Variants in ARPP21 observed in about 807,000 individuals in gnomAD.
ARPP21 encodes the protein cAMP regulated phosphoprotein 21.
A neutral mutation model predicts 113.2 loss-of-function variants in ARPP21; 69 were observed. The observed-to-expected ratio is 0.61, with a 90% CI of 0.50 to 0.74. The LOEUF is 0.74. Among genes scored for constraint, ARPP21 ranks in the 30% least tolerant of loss-of-function variants. The probability of loss-of-function intolerance (pLI) is 0.00; values close to 1 mark genes in which losing one functional copy is unlikely to be tolerated. For missense variants in ARPP21, 1,070 were observed against 1,037.4 expected, an observed-to-expected ratio of 1.03 and a Z score of -0.43; for synonymous variants, 368 against 375.5, an observed-to-expected ratio of 0.98 and a Z score of 0.23.
chr3:35,709,367 T>A (rs530060729), intron 11 of ARPP21, among the ~76,000 whole-genome samples: 98 of 152,266 alleles, frequency 6.4e-4, no homozygotes, highest in Middle Eastern at 3.4e-3. Flanking sequence ...TTTGAAGAAA[T>A]GCCTTCACCT....
intron 16 of ARPP21, 51 bp from the exon 17 acceptor site, chr3:35,738,163 T>TTTCAACCC: frequency 1.6e-6 from 2 of 1,217,596 alleles, no homozygotes; most frequent in Non-Finnish European, 1.2e-6. Flanking sequence ...TCTTGTGAGA[T>TTTCAACCC]TTCAACCCCA....
rs545142983 is a variant in ARPP21, at chr3:35,667,136, G to A, written c.-212-12651G>A. 2.0e-5 allele frequency among the ~76,000 whole-genome samples: 3 copies of A among 152,260 alleles called. No homozygotes were observed. The South Asian group carries it at 6.2e-4, about 32-fold the overall frequency. On this transcript the variant is annotated intron_variant, in intron 1 of 20. Coordinates refer to ENST00000684406, the MANE Select transcript of ARPP21 (RefSeq NM_001385562.1). ...CACTCTAAAATGTGACTCTTTAAGG[G>A]CTAGTCCTATTATCCTACATTCTTT...
chr3:35,725,107 G>A (rs1279292385), intron 14 of ARPP21, among the ~76,000 whole-genome samples: 1 of 152,106 alleles, frequency 6.6e-6, no homozygotes, highest in Non-Finnish European at 1.5e-5. Flanking sequence ...GTGAGCTAGT[G>A]GCAAAATTTT....
chr3:35,651,334 T>C, intron 1 of ARPP21, among the ~76,000 whole-genome samples: 1 of 152,114 alleles, frequency 6.6e-6, no homozygotes, highest in South Asian at 2.1e-4. Context: ...AAGAACCTAC[T>C]TTTTGAAATT....
rs1238135950 is a variant in ARPP21, at chr3:35,700,514, G to GA, written c.687-6449dup. Among the ~76,000 whole-genome samples the GA allele has an allele frequency of 8.1e-4, 114 of 141,196 alleles. 1 individual carries two copies. The highest frequency in any genetic ancestry group is 3.5e-3 in the Middle Eastern group (1 of 284). 92.6% of individuals were successfully genotyped at this position (141,196 alleles called of 152,430 possible). On this transcript the variant is annotated intron_variant, in intron 9 of 20. Transcript: ENST00000684406. ...GAAATTGAAGGATGGAGAATTTAAA[G>GA]AAAAAAAAAAAGTACACCAATACTT...
At chr3:35,722,138 CTTAT>C (rs1242577303) in intron 14 of ARPP21, among the ~76,000 whole-genome samples, 4 of 152,094 alleles carry the variant, frequency 2.6e-5, no homozygotes, top group East Asian at 1.9e-4. Context: ...CTTAAGTTTA[CTTAT>C]TTAAGTTTAC....
chr3:35,644,589 C>A (rs964458205), intron 1 of ARPP21, among the ~76,000 whole-genome samples: 1 of 151,648 alleles, frequency 6.6e-6, no homozygotes, highest in Non-Finnish European at 1.5e-5. Context: ...CTAAACTTAC[C>A]GAGACATATC....
At chr3:35,746,926 C>T (rs986444007) in intron 19 of ARPP21, among the ~76,000 whole-genome samples, 7 of 152,178 alleles carry the variant, frequency 4.6e-5, no homozygotes, top group African/African-American at 1.7e-4. Context: ...CTGAGTTCCC[C>T]TGTGGCACAG....
At chr3:35,646,496 T>C (rs772202685) in intron 1 of ARPP21, among the ~76,000 whole-genome samples, 28 of 152,108 alleles carry the variant, frequency 1.8e-4, no homozygotes, top group Non-Finnish European at 3.2e-4. Flanking sequence ...TTCTGCAGCA[T>C]TTGCAAGCTT....
intron 9 of ARPP21, 95 bp from the exon 10 acceptor site, chr3:35,706,879 A>C (rs1161841707): frequency 3.4e-6 from 3 of 887,106 alleles, no homozygotes; most frequent in Non-Finnish European, 5.2e-6. Flanking sequence ...TAAACTTTTA[A>C]GTTAAATGAC....
intron 1 of ARPP21, among the ~76,000 whole-genome samples, chr3:35,672,420 G>C (rs2076557547): frequency 6.6e-6 from 1 of 152,052 alleles, no homozygotes; most frequent in Non-Finnish European, 1.5e-5. Context: ...TGTTGGTTTA[G>C]TTTAAGAAAA....
At chr3:35,779,553 C>G (rs9872734) in intron 19 of ARPP21, among the ~76,000 whole-genome samples, 2 of 150,824 alleles carry the variant, frequency 1.3e-5, no homozygotes, top group South Asian at 4.2e-4. Context: ...ATTGTGCATA[C>G]TCAAGATAAA....
chr3:35,685,483 C>G, intron 5 of ARPP21: 1 of 985,216 alleles, frequency 1.0e-6, no homozygotes, highest in Non-Finnish European at 1.2e-6. Flanking sequence ...AGTTTATATG[C>G]AATGCCTTCA....
chr3:35,739,951 T>G (rs2094559953), intron 18 of ARPP21, among the ~76,000 whole-genome samples: 1 of 152,196 alleles, frequency 6.6e-6, no homozygotes, highest in Non-Finnish European at 1.5e-5. Context: ...TTCAATACTC[T>G]CTTGCTGCTG....
At position 35,690,108 on chromosome 3, in the gene ARPP21, G is replaced by A. The variant is rs1298751394; in HGVS notation, c.513G>A (p.Glu171=). 7 of 1,498,370 alleles carry A rather than the reference G, an allele frequency of 4.7e-6. No individual in the cohort carries two copies. The highest frequency in any genetic ancestry group is 6.5e-6 in the Non-Finnish European group (7 of 1,076,156). 92.8% of individuals were successfully genotyped at this position (1,498,370 alleles called of 1,614,324 possible). The change falls in exon 8 of 21, where the codon GAG becomes GAA. Residue 171 remains glutamate (E), a synonymous_variant. Transcript: ENST00000684406. ...SRDRMILLKM[E]QEIIDFIADN... ...ACAGGATGATACTTTTGAAAATGGA[G>A]CAGGAAATTATTGATTTCATTGCTG...
chr3:35,748,189 AAGAAAGAG>A (rs1435341083), intron 19 of ARPP21, among the ~76,000 whole-genome samples: 2 of 148,212 alleles, frequency 1.3e-5, no homozygotes, highest in African/African-American at 2.5e-5. Flanking sequence ...GAAAGAAAGA[AAGAAAGAG>A]AGAGAGAGGG....
chr3:35,734,540 C>T (rs1559785960), intron 15 of ARPP21, among the ~76,000 whole-genome samples: 1 of 152,204 alleles, frequency 6.6e-6, no homozygotes, highest in South Asian at 2.1e-4. Context: ...TTCCCCATCA[C>T]AGCACATTAT....
At chr3:35,738,379 C>CT in intron 17 of ARPP21, 61 bp downstream of exon 17, 6 of 1,399,132 alleles carry the variant, frequency 4.3e-6, no homozygotes, top group Middle Eastern at 3.5e-4. Context: ...GATTTTACTA[C>CT]TTTTTTGTGT....
chr3:35,777,621 C>A (rs914740007), intron 19 of ARPP21, among the ~76,000 whole-genome samples: 27 of 152,102 alleles, frequency 1.8e-4, no homozygotes, highest in African/African-American at 6.3e-4. Context: ...ATTTCTAAAC[C>A]AAATATGATG....
Sources: allele counts gnomAD v4.1 joint callset (sites outside exome capture counted in the v4.1 genomes callset), GRCh38; gene constraint gnomAD v4.1.1; transcripts MANE v1.5; gene names NCBI Gene and HGNC (gene_info 2026-07-23, HGNC 2026-07-21).